COL28A1: variants seen among roughly 807,000 people sequenced by gnomAD.
The protein encoded by COL28A1 is collagen type XXVIII alpha 1 chain, also known as collagen alpha-1(XXVIII) chain.
A neutral mutation model predicts 150.2 loss-of-function variants in COL28A1; 161 were observed. The observed-to-expected ratio is 1.07, with a 90% confidence interval of 0.94 to 1.22. The LOEUF is 1.22. Among genes scored for constraint, COL28A1 ranks in the 50% most tolerant of loss-of-function variants. The pLI is 0.00. For missense variants in COL28A1, 1,617 were observed against 1,388.3 expected (o/e 1.16, Z -2.62); for synonymous variants, 552 against 469.7 (o/e 1.18, Z -2.26).
At chr7:7,442,468 C>T (rs1785882289) in intron 20 of COL28A1, among the ~76,000 whole-genome samples, 2 of 152,112 alleles carry the variant, frequency 1.3e-5, no homozygotes, top group South Asian at 2.1e-4. Flanking sequence ...GTATATTTCA[C>T]GTGATGATGT....
chr7:7,405,558 G>C (rs1295739833), intron 27 of COL28A1, among the ~76,000 whole-genome samples: 18 of 152,022 alleles, frequency 1.2e-4, no homozygotes, highest in Admixed American at 1.1e-3. Context: ...AATTGCATAT[G>C]CCTTTTATAA....
In COL28A1 at chr7:7,381,542, A is replaced by G. The variant is rs1156265764; in HGVS notation, c.2205+2T>C. 1.2e-6 allele frequency: 2 copies of G among 1,611,914 alleles called. No homozygotes were observed. The highest frequency in any genetic ancestry group is 1.7e-5 in the Admixed American group (1 of 59,910). On this transcript the variant is annotated splice_donor_variant, in intron 28 of 34. Coordinates refer to ENST00000399429, the MANE Select transcript of COL28A1 (RefSeq NM_001037763.3). LOFTEE classifies it high-confidence loss of function. The stretch of plus-strand genomic sequence containing the variant: ...ATTTCTCTAAGATCCTGAGACACTT[A>G]CCTTCTGGCCTGGGAGGCCATGGCC...
intron 33 of COL28A1, among the ~76,000 whole-genome samples, chr7:7,364,318 G>A (rs1009170808): frequency 7.2e-5 from 11 of 152,168 alleles, no homozygotes; most frequent in African/African-American, 2.2e-4. Context: ...CTAAATGCAG[G>A]ACATACATTC....
intron 11 of COL28A1, among the ~76,000 whole-genome samples, chr7:7,499,945 C>T (rs962958571): frequency 6.6e-6 from 1 of 152,148 alleles, no homozygotes; most frequent in African/African-American, 2.4e-5. Context: ...CTAAGTTGTA[C>T]ACAAGAAAGT....
intron 4 of COL28A1, among the ~76,000 whole-genome samples, chr7:7,522,538 G>GTTGCTTTT (rs1163654986): frequency 6.6e-6 from 1 of 152,166 alleles, no homozygotes; most frequent in Admixed American, 6.5e-5. Flanking sequence ...TGACAAAGTA[G>GTTGCTTTT]TTGCTTTTTG....
chr7:7,395,055 G>A (rs373464941), intron 27 of COL28A1, among the ~76,000 whole-genome samples: 1 of 152,198 alleles, frequency 6.6e-6, no homozygotes, highest in East Asian at 1.9e-4. Context: ...ACTTTGGGAG[G>A]TTGAGGTGGG....
intron 22 of COL28A1, among the ~76,000 whole-genome samples, chr7:7,437,015 G>C (rs944882394): frequency 2.6e-5 from 4 of 152,212 alleles, no homozygotes; most frequent in African/African-American, 9.6e-5. Flanking sequence ...TCCAGCCTAG[G>C]GGAAAGAGTG....
At chr7:7,466,168 G>C (rs1788064627) in intron 15 of COL28A1, among the ~76,000 whole-genome samples, 3 of 124,548 alleles carry the variant, frequency 2.4e-5, no homozygotes, top group South Asian at 5.9e-4. Context: ...AGCTACGGGA[G>C]GACATTCAAA....
intron 31 of COL28A1, among the ~76,000 whole-genome samples, chr7:7,375,042 G>T (rs1781469097): frequency 6.6e-6 from 1 of 152,186 alleles, no homozygotes; most frequent in Non-Finnish European, 1.5e-5. Context: ...ACTCTACTCA[G>T]AAAGAATTCA....
chr7:7,400,983 T>TGTGG (rs1783157025), intron 27 of COL28A1, among the ~76,000 whole-genome samples: 1 of 132,872 alleles, frequency 7.5e-6, no homozygotes, highest in African/African-American at 3.2e-5. Context: ...TGGGTGTGTG[T>TGTGG]GTGTGTGTGT....
chr7:7,361,176 T>C (rs1780633683), intron 33 of COL28A1, among the ~76,000 whole-genome samples: 2 of 152,204 alleles, frequency 1.3e-5, no homozygotes, highest in Non-Finnish European at 2.9e-5. Flanking sequence ...TAAGATGCTC[T>C]AAGAAATGTT....
rs74866545 is a variant in COL28A1, at chr7:7,414,130, G to A, written c.2136+3729C>T. Among the ~76,000 whole-genome samples the A allele has an allele frequency of 2.6e-3, 394 of 152,266 alleles. 1 individual carries two copies. The highest frequency in any genetic ancestry group is 9.0e-3 in the African/African-American group (373 of 41,548). ...CTCCGTGCTTTTTAACCTGGGTGGT[G>A]CACCCTCTGATCACATCCCTCCTGG... On this transcript the variant is annotated intron_variant, in intron 27 of 34. Coordinates refer to ENST00000399429, the MANE Select transcript of COL28A1 (RefSeq NM_001037763.3).
chr7:7,507,730 C>A (rs552829894), intron 9 of COL28A1, among the ~76,000 whole-genome samples: 2 of 151,116 alleles, frequency 1.3e-5, no homozygotes, highest in East Asian at 3.9e-4. Flanking sequence ...TTTTGCTTAT[C>A]AAAGTACAAC....
At chr7:7,386,083 T>C (rs1474610612) in intron 27 of COL28A1, among the ~76,000 whole-genome samples, 1 of 152,212 alleles carries the variant, frequency 6.6e-6, no homozygotes, top group Non-Finnish European at 1.5e-5. Context: ...CAAACCCTGG[T>C]TAATCACTAT....
rs76326851 is a variant in COL28A1 at position 7,449,089 on chromosome 7, T to G, written c.1509+3230A>C. Among the ~76,000 whole-genome samples the G allele has an allele frequency of 3.0e-3, 456 of 152,198 alleles. 1 individual carries two copies. Among genetic ancestry groups the G allele is most frequent in the African/African-American group, 0.011 (438 of 41,548 alleles). On this transcript the variant is annotated intron_variant, in intron 18 of 34. Transcript: ENST00000399429. ...ATACACATATCTCAAAACATCAAAT[T>G]GTATACTTTAAACATGTGCATTTAT...
rs75070023 is a variant in COL28A1 at position 7,460,938 on chromosome 7, A to G, written c.1303-4826T>C. ...TAGATCGCAGCTCCCACTCGGATGG[A>G]AAGAACAGCATGTGGAGGCTAGCAC... On this transcript the variant is annotated intron_variant, in intron 15 of 34. Transcript: ENST00000399429. Among the ~76,000 whole-genome samples the G allele has an allele frequency of 2.0e-3, 303 of 152,266 alleles. 1 individual carries two copies. The highest frequency in any genetic ancestry group is 6.7e-3 in the African/African-American group (279 of 41,562).
chr7:7,358,876 A>G, intron 34 of COL28A1, 71 bp from the exon 35 acceptor site: 1 of 1,229,568 alleles, frequency 8.1e-7, no homozygotes, highest in East Asian at 2.5e-5. Context: ...AAAACTGTAT[A>G]AAGTTATATA....
At chr7:7,383,480 T>C (rs1781996860) in intron 27 of COL28A1, among the ~76,000 whole-genome samples, 2 of 151,802 alleles carry the variant, frequency 1.3e-5, no homozygotes, top group African/African-American at 4.8e-5. Context: ...GGTTTCACCA[T>C]GTTGGCCAGT....
chr7:7,386,610 C>T (rs1782198508), intron 27 of COL28A1, among the ~76,000 whole-genome samples: 1 of 152,134 alleles, frequency 6.6e-6, no homozygotes. Context: ...ATGCTAAAGG[C>T]TGAGTGTGGG....
Sources: allele counts gnomAD v4.1 joint callset (sites outside exome capture counted in the v4.1 genomes callset), GRCh38; gene constraint gnomAD v4.1.1; transcripts MANE v1.5; gene names NCBI Gene and HGNC (gene_info 2026-07-23, HGNC 2026-07-21).